ZNF250: variants seen among roughly 807,000 people sequenced by gnomAD.
The protein encoded by ZNF250 is zinc finger protein 250.
A neutral mutation model predicts 37.1 loss-of-function variants in ZNF250; 13 were observed. The observed-to-expected ratio is 0.35, with a 90% CI of 0.23 to 0.56. The LOEUF (loss-of-function observed/expected upper bound fraction) is 0.56, where lower values mean the gene tolerates loss of function less well. Among genes scored for constraint, ZNF250 ranks in the 20% least tolerant of loss-of-function variants. The pLI, the probability that ZNF250 is intolerant of heterozygous loss-of-function variation, is 0.87. For missense variants in ZNF250, 474 were observed against 697.9 expected (o/e 0.68, Z 3.61); for synonymous variants, 251 against 265.6 (o/e 0.94, Z 0.54).
chr8:144,893,537 C>A (rs573680989), intron 1 of ZNF250, among the ~76,000 whole-genome samples: 1 of 151,788 alleles, frequency 6.6e-6, no homozygotes, highest in African/African-American at 2.4e-5. Flanking sequence ...CACCATGTTG[C>A]CCAGGCTGGT....
chr8:144,892,042 A>G (rs1279778990), intron 1 of ZNF250, among the ~76,000 whole-genome samples: 5 of 152,182 alleles, frequency 3.3e-5, no homozygotes, highest in Non-Finnish European at 5.9e-5. Context: ...ACATGTATAT[A>G]TTTGCACAGA....
rs1586884811 is a variant in ZNF250 at position 144,881,389 on chromosome 8, T to C, written c.*126A>G. On this transcript the variant is annotated 3_prime_UTR_variant, in exon 6 of 6. Transcript: ENST00000417550. ...CGCTAAGTGCTTCTTTCTGGAGTTA[T>C]TTTGTGACACTGAATCGCCAAAGAA... 1.4e-6 allele frequency: 2 copies of C among 1,383,682 alleles called. No individual in the cohort carries two copies. The highest frequency in any genetic ancestry group is 1.9e-6 in the Non-Finnish European group (2 of 1,048,316). The allele number at this position is 1,383,682 out of a possible 1,614,324, so 85.7% of individuals were successfully genotyped here.
At chr8:144,887,401 G>A (rs1185079836) in intron 4 of ZNF250, among the ~76,000 whole-genome samples, 2 of 152,058 alleles carry the variant, frequency 1.3e-5, no homozygotes, top group Non-Finnish European at 2.9e-5. Flanking sequence ...ACAAGACAAA[G>A]GCATATCTAC....
intron 4 of ZNF250, 150 bp from the exon 5 acceptor site, chr8:144,887,052 G>T: frequency 1.6e-6 from 1 of 644,044 alleles, no homozygotes; most frequent in Non-Finnish European, 2.8e-6. Context: ...TTTGAGACCA[G>T]CCTGGCCAAC....
In ZNF250 at chr8:144,891,774, C is replaced by G. The variant is rs1216375912; in HGVS notation, c.-54-1371G>C. Among the ~76,000 whole-genome samples, 2 of 152,180 alleles carry G rather than the reference C, an allele frequency of 1.3e-5. No individual in the cohort carries two copies. The highest frequency in any genetic ancestry group is 4.8e-5 in the African/African-American group (2 of 41,432). The stretch of plus-strand genomic sequence containing the variant: ...GGCTGAGGCAAGAGAATTGCTTGAA[C>G]TCAGGAGGTGGAGGATGCGATGAGC... On this transcript the variant is annotated intron_variant, in intron 1 of 5. Transcript: ENST00000417550. This position sits in a 1 kb window ranked among gnomAD's most constrained non-coding sequence, Gnocchi z 4.0.
At position 144,881,623 on chromosome 8, in the gene ZNF250, G is replaced by A; in HGVS notation, c.1560C>T (p.His520=). ...GCTTCTCGCCTGTGTGGATCCGCTG[G>A]TGCTGGATGAGCACTGAGTACTGGC... ...AFSQYSVLIQ[H]QRIHTGEKPY... The change falls in exon 6 of 6, where the codon CAC becomes CAT. Residue 520 remains histidine, a synonymous_variant. Coordinates refer to ENST00000417550, the MANE Select transcript of ZNF250 (RefSeq NM_001109689.4). The A allele has an allele frequency of 6.2e-7, 1 of 1,614,096 alleles. No homozygotes were observed. Among genetic ancestry groups the A allele is most frequent in the South Asian group, 1.1e-5 (1 of 91,078 alleles).
At position 144,891,044 on chromosome 8, in the gene ZNF250, G is replaced by A. The variant is rs1410750012; in HGVS notation, c.-54-641C>T. On this transcript the variant is annotated intron_variant, in intron 1 of 5. Coordinates refer to ENST00000417550, the MANE Select transcript of ZNF250 (RefSeq NM_001109689.4). The surrounding 1 kb of genome is among the most constrained non-coding windows in gnomAD (Gnocchi z 4.0). ...AGGAAGACTTGTCATCAAGTGAGAA[G>A]GGGATGCTTGGGGTAGTGGGGCTGG... 6.6e-6 allele frequency among the ~76,000 whole-genome samples: 1 copy of A among 152,170 alleles called. No homozygotes were observed. The highest frequency in any genetic ancestry group is 1.5e-5 in the Non-Finnish European group (1 of 68,020).
intron 4 of ZNF250, among the ~76,000 whole-genome samples, chr8:144,889,156 A>T (rs892418005): frequency 6.6e-6 from 1 of 152,218 alleles, no homozygotes. Context: ...TCTGAGATGA[A>T]ACAGTGTGCT....
Position 144,888,757 on chromosome 8 carries a change from A to AT in ZNF250, c.283+823dup, listed in dbSNP as rs1264125545. Reference sequence around the variant, plus strand: ...TTGGTTTTGCCTTATTTTTATTTTTATTTTTTTGAGACAGAGTCTCATGCT... The same window carrying AT: ...TTGGTTTTGCCTTATTTTTATTTTTATTTTTTTTGAGACAGAGTCTCATGCT... On this transcript the variant is annotated intron_variant, in intron 4 of 5. Coordinates refer to ENST00000417550, the MANE Select transcript of ZNF250 (RefSeq NM_001109689.4). Among the ~76,000 whole-genome samples, 58 of 151,116 alleles carry AT rather than the reference A, an allele frequency of 3.8e-4. No homozygotes were observed. In the East Asian group the frequency reaches 0.011, roughly 27 times the overall value.
At chr8:144,899,206 A>G (rs940480152) in intron 1 of ZNF250, among the ~76,000 whole-genome samples, 3 of 151,966 alleles carry the variant, frequency 2.0e-5, no homozygotes, top group African/African-American at 4.8e-5. Flanking sequence ...GGGTAGAATG[A>G]TGATTACCAG....
Position 144,889,737 on chromosome 8 carries a change from G to A in ZNF250, c.170-43C>T, listed in dbSNP as rs781385768. On this transcript the variant is annotated intron_variant, in intron 3 of 5. Transcript: ENST00000417550. ...AGTCTTTGTTTACACAACATTTACA[G>A]AGCCCCCTCCCCCTGCCCAAGCCAC... The A allele has an allele frequency of 3.2e-6, 5 of 1,583,004 alleles. No homozygotes were observed. The South Asian group carries it at 5.7e-5, about 18-fold the overall frequency.
chr8:144,889,597 C>T lies in ZNF250; in HGVS notation c.267G>A (p.Leu89=), dbSNP rs377381648. The change falls in exon 4 of 6, where the codon CTG becomes CTA. Residue 89 remains leucine (L), a synonymous_variant. Coordinates refer to ENST00000417550, the MANE Select transcript of ZNF250 (RefSeq NM_001109689.4). ...DRKGAKKSQG[L]WSDYSDNLKY... is the part of the protein sequence containing the mutation. Reference sequence around the variant, plus strand: ...CTCACTCACCTGAGTAGTCACTCCACAGGCCCTGGCTCTTCTTAGCCCCCT... The same window carrying T: ...CTCACTCACCTGAGTAGTCACTCCATAGGCCCTGGCTCTTCTTAGCCCCCT... The T allele has an allele frequency of 4.3e-6, 7 of 1,613,824 alleles. No individual in the cohort carries two copies. The African/African-American group carries it at 8.0e-5, about 18-fold the overall frequency.
intron 5 of ZNF250, among the ~76,000 whole-genome samples, chr8:144,885,648 T>G (rs1321164767): frequency 6.6e-6 from 1 of 152,172 alleles, no homozygotes; most frequent in Non-Finnish European, 1.5e-5. Flanking sequence ...TTTTATTTTG[T>G]AGTGTGGGGT....
rs1586882352 is a variant in ZNF250, at chr8:144,880,245, G to C, written c.*1270C>G. Reference sequence around the variant, plus strand: ...TTCAAATATAGGAATAGAAATACTAGAGATAGTAAAAAAGAGCTATCTGAA... The same window carrying C: ...TTCAAATATAGGAATAGAAATACTACAGATAGTAAAAAAGAGCTATCTGAA... On this transcript the variant is annotated 3_prime_UTR_variant, in exon 6 of 6. Transcript: ENST00000417550. The C allele has an allele frequency of 7.1e-6, 2 of 280,544 alleles. No homozygotes were observed. Among genetic ancestry groups the C allele is most frequent in the Admixed American group, 4.2e-5 (1 of 23,644 alleles). The allele number at this position is 280,544 out of a possible 1,614,324, so 17.4% of individuals were successfully genotyped here.
rs1286319908 is a variant in ZNF250 at position 144,891,954 on chromosome 8, T to C, written c.-54-1551A>G. On this transcript the variant is annotated intron_variant, in intron 1 of 5. Transcript: ENST00000417550. The surrounding 1 kb of genome is among the most constrained non-coding windows in gnomAD (Gnocchi z 4.0). ...GCAGGAGAATCACTTGAACCCAGGA[T>C]GTGGAGGTTGCAGTGAGCTGAGATC... Among the ~76,000 whole-genome samples, 2 of 152,092 alleles carry C rather than the reference T, an allele frequency of 1.3e-5. No homozygotes were observed. The highest frequency in any genetic ancestry group is 2.9e-5 in the Non-Finnish European group (2 of 68,016).
At chr8:144,884,380 T>A (rs1290393205) in intron 5 of ZNF250, among the ~76,000 whole-genome samples, 1 of 152,176 alleles carries the variant, frequency 6.6e-6, no homozygotes, top group Non-Finnish European at 1.5e-5. Flanking sequence ...GCCTCCCCAG[T>A]GGCTGGGATT....
intron 1 of ZNF250, among the ~76,000 whole-genome samples, chr8:144,893,367 G>A (rs1832486265): frequency 6.6e-6 from 1 of 152,136 alleles, no homozygotes. Context: ...ATCTCGCTCT[G>A]TCACCCAGGC....
chr8:144,892,207 T>C (rs548080695), intron 1 of ZNF250, among the ~76,000 whole-genome samples: 24 of 152,374 alleles, frequency 1.6e-4, no homozygotes, highest in Admixed American at 3.3e-4. Flanking sequence ...AGCACACTTC[T>C]GTGTTAGCGC....
At position 144,880,066 on chromosome 8, in the gene ZNF250, CAAAAAA is replaced by C. The variant is rs61668478; in HGVS notation, c.*1443_*1448del. The C allele has an allele frequency of 1.5e-5, 2 of 133,704 alleles. No homozygotes were observed. The highest frequency in any genetic ancestry group is 3.3e-5 in the Non-Finnish European group (2 of 59,774). 8.3% of individuals were successfully genotyped at this position (133,704 alleles called of 1,614,324 possible). A position where few individuals can be genotyped will look rare whatever the true frequency, so the allele number is the denominator to read the frequency against. On this transcript the variant is annotated 3_prime_UTR_variant, in exon 6 of 6. Coordinates refer to ENST00000417550, the MANE Select transcript of ZNF250 (RefSeq NM_001109689.4). Reference sequence around the variant, plus strand: ...GGGGAACAAGAGCAAGACTTTGTCTCAAAAAAAAAAAAAAAAGTATGCTTAAAACAG... The same window carrying C: ...GGGGAACAAGAGCAAGACTTTGTCTCAAAAAAAAAAGTATGCTTAAAACAG...
Sources: gnomAD v4.1 joint callset for allele counts (sites outside exome capture counted in the v4.1 genomes callset) on GRCh38, gnomAD v4.1.1 for gene constraint, Gnocchi (gnomAD v3.1) non-coding constraint, MANE v1.5 for transcripts, NCBI Gene and HGNC (gene_info 2026-07-23, HGNC 2026-07-21) for gene names.